UNC13C: variants seen among roughly 807,000 people sequenced by gnomAD.
UNC13C encodes the protein protein unc-13 homolog C.
In UNC13C, 174 loss-of-function variants were observed where a neutral mutation model predicts 245.4. That is an observed-to-expected ratio of 0.71 (90% CI 0.63 to 0.80). The LOEUF (loss-of-function observed/expected upper bound fraction) is 0.80. Among genes scored for constraint, UNC13C ranks in the 30% least tolerant of loss-of-function variants. UNC13C has a pLI of 0.00. For missense variants in UNC13C, 2,829 were observed against 2,602.9 expected, an observed-to-expected ratio of 1.09 and a Z score of -1.89; for synonymous variants, 992 against 895.1, an observed-to-expected ratio of 1.11 and a Z score of -1.93.
At chr15:53,946,936 G>A in the UNC13C span, among the ~76,000 whole-genome samples, 1 of 152,082 alleles carries the variant, frequency 6.6e-6, no homozygotes, top group African/African-American at 2.4e-5. Context: ...TGTTCATCAA[G>A]GATATTGTTG....
At chr15:54,352,462 A>AAT (rs1403171306) in intron 17 of UNC13C, among the ~76,000 whole-genome samples, 1 of 151,256 alleles carries the variant, frequency 6.6e-6, no homozygotes, top group African/African-American at 2.4e-5. Context: ...GTGTTGCATT[A>AAT]ATGAAATGGT....
At chr15:54,398,040 A>G (rs2040106764) in intron 18 of UNC13C, among the ~76,000 whole-genome samples, 1 of 151,434 alleles carries the variant, frequency 6.6e-6, no homozygotes, top group Admixed American at 6.6e-5. Flanking sequence ...CTAATCTCAT[A>G]GGGAAAGCAT....
chr15:54,599,038 CATA>C (rs1382869558), intron 30 of UNC13C, among the ~76,000 whole-genome samples: 1 of 152,094 alleles, frequency 6.6e-6, no homozygotes, highest in Non-Finnish European at 1.5e-5. Context: ...CTTAATTTCT[CATA>C]ATAATCAAAC....
At chr15:54,625,735 C>G (rs540005075) in intron 32 of UNC13C, among the ~76,000 whole-genome samples, 2 of 151,988 alleles carry the variant, frequency 1.3e-5, no homozygotes, top group African/African-American at 2.4e-5. Flanking sequence ...CCTACTCTAT[C>G]AAAAGGGTCC....
chr15:53,896,644 C>G, the UNC13C span, among the ~76,000 whole-genome samples: 2 of 152,072 alleles, frequency 1.3e-5, no homozygotes, highest in African/African-American at 4.8e-5. Context: ...GGAACCAGGT[C>G]ATGTTCAGGG....
At chr15:54,122,852 A>C (rs1164438577) in intron 2 of UNC13C, among the ~76,000 whole-genome samples, 5 of 152,062 alleles carry the variant, frequency 3.3e-5, no homozygotes, top group Middle Eastern at 3.2e-3. Flanking sequence ...TTATACATTC[A>C]TGTGTTGATT....
chr15:54,299,530 G>A (rs902050397), intron 12 of UNC13C, among the ~76,000 whole-genome samples: 1 of 152,018 alleles, frequency 6.6e-6, no homozygotes, highest in Non-Finnish European at 1.5e-5. Context: ...AATGTTTTCA[G>A]GCAAAAACAC....
At chr15:54,156,517 T>C (rs1362630698) in intron 4 of UNC13C, among the ~76,000 whole-genome samples, 3 of 152,122 alleles carry the variant, frequency 2.0e-5, no homozygotes, top group Non-Finnish European at 2.9e-5. Flanking sequence ...AGCTACAGAA[T>C]CTTATAATTT....
chr15:54,558,752 G>A (rs775887591), intron 29 of UNC13C, among the ~76,000 whole-genome samples: 5 of 151,850 alleles, frequency 3.3e-5, no homozygotes, highest in South Asian at 2.1e-4. Flanking sequence ...CCATTTACCC[G>A]GAAAAGCAAC....
intron 19 of UNC13C, among the ~76,000 whole-genome samples, chr15:54,418,525 C>T (rs2040567968): frequency 6.6e-6 from 1 of 152,070 alleles, no homozygotes; most frequent in Non-Finnish European, 1.5e-5. Flanking sequence ...TTATCTATAT[C>T]TTATGAGCAC....
At chr15:54,378,234 A>G (rs2039648570) in intron 17 of UNC13C, among the ~76,000 whole-genome samples, 1 of 152,074 alleles carries the variant, frequency 6.6e-6, no homozygotes, top group Non-Finnish European at 1.5e-5. Flanking sequence ...CTGTACAACA[A>G]CCCATCATGT....
intron 4 of UNC13C, among the ~76,000 whole-genome samples, chr15:54,153,656 T>G (rs1479137474): frequency 1.3e-5 from 2 of 152,136 alleles, no homozygotes; most frequent in Non-Finnish European, 2.9e-5. Context: ...CATTATATTT[T>G]AAATTTAACA....
chr15:54,495,786 G>A (rs768575931), intron 20 of UNC13C, among the ~76,000 whole-genome samples: 1 of 151,962 alleles, frequency 6.6e-6, no homozygotes, highest in African/African-American at 2.4e-5. Flanking sequence ...CAAGGAATGG[G>A]GGGCAGAGAA....
intron 5 of UNC13C, among the ~76,000 whole-genome samples, chr15:54,236,109 T>C (rs2035692580): frequency 6.6e-6 from 1 of 152,094 alleles, no homozygotes; most frequent in Non-Finnish European, 1.5e-5. Context: ...TTATATGTGA[T>C]ATGAAAAATA....
chr15:54,087,217 GT>G (rs200897386), intron 2 of UNC13C, among the ~76,000 whole-genome samples: 1 of 152,002 alleles, frequency 6.6e-6, no homozygotes, highest in Admixed American at 6.6e-5. Flanking sequence ...GTAGAGTGCA[GT>G]TTTTTTAAAA....
chr15:53,906,572 C>A, the UNC13C span, among the ~76,000 whole-genome samples: 1 of 152,196 alleles, frequency 6.6e-6, no homozygotes, highest in Non-Finnish European at 1.5e-5. Context: ...CAGGATGTCC[C>A]ATCTTTCCTA....
chr15:54,250,989 C>G (rs560926661), intron 8 of UNC13C, among the ~76,000 whole-genome samples: 114 of 152,094 alleles, frequency 7.5e-4, no homozygotes, highest in African/African-American at 2.5e-3. Flanking sequence ...ATCTCCTGAC[C>G]TCATGATCTG....
At chr15:54,526,952 A>C (rs189447104) in intron 25 of UNC13C, among the ~76,000 whole-genome samples, 1 of 152,074 alleles carries the variant, frequency 6.6e-6, no homozygotes, top group African/African-American at 2.4e-5. Flanking sequence ...GTGAAGAATA[A>C]TCTCCCACTT....
intron 22 of UNC13C, among the ~76,000 whole-genome samples, chr15:54,501,704 G>A (rs1367648759): frequency 6.6e-6 from 1 of 152,136 alleles, no homozygotes; most frequent in Admixed American, 6.6e-5. Flanking sequence ...GAGATCAACC[G>A]TAAATTGAGT....
Sources: gnomAD v4.1 joint callset for allele counts (sites outside exome capture counted in the v4.1 genomes callset) on GRCh38, gnomAD v4.1.1 for gene constraint, MANE v1.5 for transcripts, NCBI Gene and HGNC (gene_info 2026-07-23, HGNC 2026-07-21) for gene names.